The following CACNA1S variants were observed in gnomAD, a reference collection of about 807,000 sequenced individuals.
CACNA1S encodes calcium voltage-gated channel subunit alpha1 S.
Under a neutral mutation model 207.4 loss-of-function variants are expected in CACNA1S, and 126 were observed. That is an observed-to-expected ratio of 0.61 (90% CI 0.53 to 0.70). The LOEUF (loss-of-function observed/expected upper bound fraction) is 0.70, where lower values mean the gene tolerates loss of function less well. Among genes scored for constraint, CACNA1S ranks in the 30% least tolerant of loss-of-function variants. The pLI, the probability that CACNA1S is intolerant of heterozygous loss-of-function variation, is 0.00. For synonymous variants in CACNA1S, 960 were observed against 932.7 expected, an observed-to-expected ratio of 1.03 and a Z score of -0.53; for missense variants, 2,349 against 2,422.8, an observed-to-expected ratio of 0.97 and a Z score of 0.64.
At position 201,050,869 on chromosome 1, in the gene CACNA1S, T is replaced by A. The variant is rs776022354; in HGVS notation, c.4113+115A>T. 2.0e-4 allele frequency: 222 copies of A among 1,118,080 alleles called. 2 individuals carry two copies. The highest frequency in any genetic ancestry group is 1.4e-3 in the Middle Eastern group (5 of 3,604). 69.3% of individuals were successfully genotyped at this position (1,118,080 alleles called of 1,614,324 possible). A position where few individuals can be genotyped will look rare whatever the true frequency, so the allele number is the denominator to read the frequency against. Reference sequence around the variant, plus strand: ...GACAACCTAACTAGAGCCTCCTGCGTCCCCGAGATGAATCCCAGGAGAGGT... The same window carrying A: ...GACAACCTAACTAGAGCCTCCTGCGACCCCGAGATGAATCCCAGGAGAGGT... On this transcript the variant is annotated intron_variant, in intron 33 of 43. Coordinates refer to ENST00000362061, the MANE Select transcript of CACNA1S (RefSeq NM_000069.3).
intron 2 of CACNA1S, among the ~76,000 whole-genome samples, chr1:201,103,823 CCT>C (rs1662771132): frequency 6.6e-6 from 1 of 152,180 alleles, no homozygotes; most frequent in Non-Finnish European, 1.5e-5. Context: ...AGACAAACGC[CCT>C]GGCTGCCAGA....
At chr1:201,058,324 C>G (rs924699227) in intron 28 of CACNA1S, 84 bp downstream of exon 28, 27 of 1,167,010 alleles carry the variant, frequency 2.3e-5, no homozygotes, top group Non-Finnish European at 3.1e-5. Context: ...GTTGTACACA[C>G]AGTGGGCACC....
intron 11 of CACNA1S, 38 bp downstream of exon 11, chr1:201,077,841 C>A: frequency 2.7e-6 from 4 of 1,479,986 alleles, no homozygotes; most frequent in Non-Finnish European, 3.8e-6. Context: ...GTGGTGCCTG[C>A]CGGGGACCCG....
In CACNA1S at chr1:201,060,995, C is replaced by T. The variant is rs534380510; in HGVS notation, c.3256-179G>A. ...GCTTTGGGTTCCCCTTGAGTTATCA[C>T]AGCCCATTCCCATGGGTGCTATAGA... On this transcript the variant is annotated intron_variant, in intron 25 of 43. Transcript: ENST00000362061. Among the ~76,000 whole-genome samples, 100 of 152,346 alleles carry T rather than the reference C, an allele frequency of 6.6e-4. 1 individual carries two copies. The highest frequency in any genetic ancestry group is 2.3e-3 in the African/African-American group (96 of 41,572).
Position 201,089,303 on chromosome 1 carries a change from C to T in CACNA1S, c.855G>A (p.Val285=), listed in dbSNP as rs1325611487. 1.2e-6 allele frequency: 2 copies of T among 1,614,274 alleles called. No homozygotes were observed. Among genetic ancestry groups the T allele is most frequent in the Non-Finnish European group, 1.7e-6 (2 of 1,180,058 alleles). ...FDNFGFSMLT[V]YQCITMEGWT... is the part of the protein sequence containing the mutation. Reference sequence around the variant, plus strand: ...ATCCCTCCATGGTAATGCACTGGTACACGGTGAGCATGGAGAAGCCGAAGT... The same window carrying T: ...ATCCCTCCATGGTAATGCACTGGTATACGGTGAGCATGGAGAAGCCGAAGT... Residue 285 remains valine, a synonymous_variant, in exon 6 of 44, where the codon GTG becomes GTA. Coordinates refer to ENST00000362061, the MANE Select transcript of CACNA1S (RefSeq NM_000069.3).
At chr1:201,060,574 T>C (rs1299405937) in intron 26 of CACNA1S, 84 bp downstream of exon 26, 27 of 1,467,746 alleles carry the variant, frequency 1.8e-5, no homozygotes, top group Non-Finnish European at 2.6e-5. Flanking sequence ...GGGGGAATCC[T>C]GGCTATCCTG....
At position 201,093,895 on chromosome 1, in the gene CACNA1S, T is replaced by C. The variant is rs764398131; in HGVS notation, c.385A>G (p.Ile129Val). The stretch of plus-strand genomic sequence containing the variant: ...CCCAGCTCTCACCCCAGGAAGACAA[T>C]GGTGAAGTCCAGCACATTCCAGCCA... ...RSGWNVLDFT[I>V]VFLGVFTVIL... Residue 129 changes from isoleucine to valine, a missense_variant, in exon 3 of 44, where the codon ATT (isoleucine) becomes GTT (valine). Physicochemically the swap from Ile to Val is conservative, Grantham distance 29. Coordinates refer to ENST00000362061, the MANE Select transcript of CACNA1S (RefSeq NM_000069.3). 3.1e-6 allele frequency: 5 copies of C among 1,614,030 alleles called. No homozygotes were observed. Among genetic ancestry groups the C allele is most frequent in the South Asian group, 1.1e-5 (1 of 91,062 alleles).
rs757555164 is a variant in CACNA1S, at chr1:201,040,721, C to T, written c.5135-8G>A. The T allele has an allele frequency of 6.2e-7, 1 of 1,610,352 alleles. No individual in the cohort carries two copies. The highest frequency in any genetic ancestry group is 8.5e-7 in the Non-Finnish European group (1 of 1,177,082). On this transcript the variant is annotated splice_region_variant and splice_polypyrimidine_tract_variant and intron_variant, in intron 41 of 43. Transcript: ENST00000362061. Reference sequence around the variant, plus strand: ...AGGGTTTGCTGTGGGGTCCTGTATGCAAGAAGGGGCAAGGATAAGAGGGGC... The same window carrying T: ...AGGGTTTGCTGTGGGGTCCTGTATGTAAGAAGGGGCAAGGATAAGAGGGGC...
chr1:201,104,188 A>G (rs1446421514), intron 2 of CACNA1S, among the ~76,000 whole-genome samples: 3 of 152,150 alleles, frequency 2.0e-5, no homozygotes, highest in Admixed American at 1.3e-4. Context: ...AGCCCTAATG[A>G]TATTTTGGTC....
intron 3 of CACNA1S, among the ~76,000 whole-genome samples, chr1:201,092,985 T>C (rs1662292541): frequency 6.6e-6 from 1 of 152,242 alleles, no homozygotes; most frequent in African/African-American, 2.4e-5. Flanking sequence ...TTCTGTTCTT[T>C]AGCCTCCTTA....
intron 10 of CACNA1S, among the ~76,000 whole-genome samples, chr1:201,082,931 A>G (rs1661889345): frequency 6.6e-6 from 1 of 152,246 alleles, no homozygotes; most frequent in African/African-American, 2.4e-5. Context: ...TAACAAAGCC[A>G]TGAAGAGGAA....
intron 1 of CACNA1S, 145 bp downstream of exon 1, chr1:201,112,043 C>G (rs1663134318): frequency 7.2e-6 from 5 of 694,198 alleles, no homozygotes; most frequent in Non-Finnish European, 1.2e-5. Flanking sequence ...CTTCCCCCAG[C>G]TCCTCACTCA....
At position 201,077,105 on chromosome 1, in the gene CACNA1S, G is replaced by T; in HGVS notation, c.1642C>A (p.Leu548Met). The change falls in exon 12 of 44, where the codon CTG (leucine) becomes ATG (methionine). Residue 548 changes from leucine (L) to methionine (M), a missense_variant. Coordinates refer to ENST00000362061, the MANE Select transcript of CACNA1S (RefSeq NM_000069.3). ...ITKYWTSLSN[L>M]VASLLNSIRS... is the part of the protein sequence containing the mutation. ...ATGGAGTTGAGCAGGGATGCCACCA[G>T]GTTGCTCAGCGACGTCCAATATCTG... 1 of 1,614,176 alleles carries T rather than the reference G, an allele frequency of 6.2e-7. No individual in the cohort carries two copies. The highest frequency in any genetic ancestry group is 8.5e-7 in the Non-Finnish European group (1 of 1,180,016).
intron 2 of CACNA1S, among the ~76,000 whole-genome samples, chr1:201,099,013 T>C (rs553441642): frequency 6.6e-6 from 1 of 152,012 alleles, no homozygotes; most frequent in Non-Finnish European, 1.5e-5. Flanking sequence ...GAGTCTTGGG[T>C]TGAAAAAAGC....
At chr1:201,103,478 G>A (rs1270357795) in intron 2 of CACNA1S, among the ~76,000 whole-genome samples, 4 of 152,174 alleles carry the variant, frequency 2.6e-5, no homozygotes, top group African/African-American at 9.7e-5. Flanking sequence ...AGTGTCTGCA[G>A]CCCCTGTGCC....
chr1:201,083,163 T>C lies in CACNA1S; in HGVS notation c.1392A>G (p.Gln464=). 6.2e-7 allele frequency: 1 copy of C among 1,613,202 alleles called. No homozygotes were observed. The highest frequency in any genetic ancestry group is 1.1e-5 in the South Asian group (1 of 91,036). Residue 464 remains glutamine, a splice_region_variant and synonymous_variant, in exon 10 of 44, where the codon CAA becomes CAG. Transcript: ENST00000362061. ...CGGCTTCACTCCGTTCCGCCTCACC[T>C]TGCAAACGGGTCAGCCAGAGAGGCT... ...HNQPLWLTRL[Q]DIANRVLLSL...
intron 26 of CACNA1S, among the ~76,000 whole-genome samples, chr1:201,060,142 G>C (rs1041440890): frequency 2.0e-5 from 3 of 152,190 alleles, no homozygotes; most frequent in Admixed American, 1.3e-4. Flanking sequence ...GGGCTTCTAG[G>C]AGCAGGGAGC....
At chr1:201,083,651 AT>A (rs1661923848) in intron 9 of CACNA1S, among the ~76,000 whole-genome samples, 2 of 152,260 alleles carry the variant, frequency 1.3e-5, no homozygotes. Context: ...TTTGCCCCTT[AT>A]CAAAGGCCAC....
intron 16 of CACNA1S, among the ~76,000 whole-genome samples, chr1:201,072,027 T>C (rs1314916015): frequency 2.0e-5 from 3 of 152,186 alleles, no homozygotes; most frequent in Non-Finnish European, 2.9e-5. Flanking sequence ...GATCAGCTGA[T>C]GGGACAAGTA....
Sources: gnomAD v4.1 joint callset for allele counts (sites outside exome capture counted in the v4.1 genomes callset) on GRCh38, gnomAD v4.1.1 for gene constraint, MANE v1.5 for transcripts, NCBI Gene and HGNC (gene_info 2026-07-23, HGNC 2026-07-21) for gene names.